Variants in CDKAL1 observed in about 807,000 individuals in gnomAD.
CDKAL1 encodes the protein CDKAL1 threonylcarbamoyladenosine tRNA methylthiotransferase.
A neutral mutation model predicts 68.2 loss-of-function variants in CDKAL1; 32 were observed. The observed-to-expected ratio is 0.47, with a 90% CI of 0.35 to 0.63. The LOEUF (loss-of-function observed/expected upper bound fraction) is 0.63, where lower values mean the gene tolerates loss of function less well. Ranked by LOEUF, CDKAL1 falls within the 30% of genes least tolerant of loss-of-function variation. CDKAL1 has a pLI of 0.00. For missense variants in CDKAL1, 606 were observed against 696.7 expected, an observed-to-expected ratio of 0.87 and a Z score of 1.47; for synonymous variants, 234 against 244.3, an observed-to-expected ratio of 0.96 and a Z score of 0.39.
chr6:20,867,802 C>T (rs1382415472), intron 9 of CDKAL1, among the ~76,000 whole-genome samples: 1 of 152,170 alleles, frequency 6.6e-6, no homozygotes, highest in African/African-American at 2.4e-5. Context: ...ATAATTTCCC[C>T]TATCCCTAAC....
At chr6:21,025,320 C>A (rs1189855717) in intron 11 of CDKAL1, among the ~76,000 whole-genome samples, 1 of 152,090 alleles carries the variant, frequency 6.6e-6, no homozygotes, top group Non-Finnish European at 1.5e-5. Context: ...ATTAAACATA[C>A]CCCTCTCTAT....
chr6:20,712,959 T>C (rs1771918822), intron 5 of CDKAL1, among the ~76,000 whole-genome samples: 1 of 149,268 alleles, frequency 6.7e-6, no homozygotes. Context: ...TTAAAAATGC[T>C]GTATATTACA....
At chr6:21,176,717 C>T (rs1173823773) in intron 13 of CDKAL1, among the ~76,000 whole-genome samples, 1 of 111,348 alleles carries the variant, frequency 9.0e-6, no homozygotes, top group Non-Finnish European at 1.7e-5. Flanking sequence ...TTTTTTGAGA[C>T]GGAGTCTGAC....
chr6:20,572,618 T>C lies in CDKAL1; in HGVS notation c.286+23913T>C, dbSNP rs552685188. Among the ~76,000 whole-genome samples the C allele has an allele frequency of 3.3e-5, 5 of 152,290 alleles. No homozygotes were observed. The South Asian group carries it at 6.2e-4, about 19-fold the overall frequency. On this transcript the variant is annotated intron_variant, in intron 4 of 15. Coordinates refer to ENST00000274695, the MANE Select transcript of CDKAL1 (RefSeq NM_017774.3). The stretch of plus-strand genomic sequence containing the variant: ...ATTTATCATATGTATTGGGTCCACA[T>C]TGCAGTACTTATAACGAGATTTATC...
At chr6:21,029,760 A>G (rs967242269) in intron 11 of CDKAL1, among the ~76,000 whole-genome samples, 1 of 152,208 alleles carries the variant, frequency 6.6e-6, no homozygotes, top group African/African-American at 2.4e-5. Flanking sequence ...GAGAAATGCA[A>G]ATCAAAACCA....
chr6:21,156,818 G>A (rs1307677002), intron 13 of CDKAL1, among the ~76,000 whole-genome samples: 1 of 152,160 alleles, frequency 6.6e-6, no homozygotes, highest in Non-Finnish European at 1.5e-5. Context: ...TGGTGTGCAT[G>A]CTGCTGTGGT....
chr6:21,132,246 C>A (rs1239956460), intron 13 of CDKAL1, among the ~76,000 whole-genome samples: 1 of 152,082 alleles, frequency 6.6e-6, no homozygotes, highest in Admixed American at 6.5e-5. Flanking sequence ...GAATATCCAT[C>A]ATTAAGGAAA....
intron 13 of CDKAL1, among the ~76,000 whole-genome samples, chr6:21,146,118 T>C (rs974786006): frequency 6.6e-6 from 1 of 152,228 alleles, no homozygotes; most frequent in African/African-American, 2.4e-5. Context: ...TTAATGGGTC[T>C]GGACTGCATG....
rs188555344 is a variant in CDKAL1 at position 20,894,168 on chromosome 6, A to G, written c.742+47990A>G. Among the ~76,000 whole-genome samples the G allele has an allele frequency of 3.1e-3, 470 of 151,934 alleles. 2 individuals carry two copies. Among genetic ancestry groups the G allele is most frequent in the African/African-American group, 8.7e-3 (359 of 41,492 alleles). On this transcript the variant is annotated intron_variant, in intron 9 of 15. Transcript: ENST00000274695. ...TGTTATTTTGGTGACAGCCTGATGC[A>G]TTAATTTCTAGGTCAGCATATTATT...
chr6:20,897,529 T>C (rs1436156107), intron 9 of CDKAL1, among the ~76,000 whole-genome samples: 15 of 152,078 alleles, frequency 9.9e-5, no homozygotes, highest in Admixed American at 6.6e-5. Context: ...ATCTGTAATA[T>C]AGAAAAAACA....
intron 8 of CDKAL1, among the ~76,000 whole-genome samples, chr6:20,837,101 A>G (rs1300993685): frequency 1.3e-5 from 2 of 152,214 alleles, no homozygotes; most frequent in African/African-American, 4.8e-5. Flanking sequence ...TGTTGAAGTT[A>G]AAATGGTGGG....
intron 15 of CDKAL1, among the ~76,000 whole-genome samples, chr6:21,207,078 A>G (rs1778970089): frequency 2.0e-5 from 3 of 152,044 alleles, no homozygotes; most frequent in Admixed American, 1.3e-4. Flanking sequence ...ACACCCAGCT[A>G]ATTTTTGTAT....
rs181334761 is a variant in CDKAL1 at position 20,649,595 on chromosome 6, A to G, written c.371+218A>G. On this transcript the variant is annotated intron_variant, in intron 5 of 15. Coordinates refer to ENST00000274695, the MANE Select transcript of CDKAL1 (RefSeq NM_017774.3). ...AAATTTACTTTAAGTTCTGGGGTACATGTACAGGATGTGCAAGTTTGTTAC... is the reference window on the plus strand; with the variant it reads ...AAATTTACTTTAAGTTCTGGGGTACGTGTACAGGATGTGCAAGTTTGTTAC... Among the ~76,000 whole-genome samples the G allele has an allele frequency of 1.3e-5, 2 of 152,220 alleles. 1 individual carries two copies. Among genetic ancestry groups the G allele is most frequent in the East Asian group, 3.9e-4 (2 of 5,190 alleles).
chr6:21,229,523 A>G (rs751294045), intron 15 of CDKAL1, among the ~76,000 whole-genome samples: 1 of 152,150 alleles, frequency 6.6e-6, no homozygotes, highest in Non-Finnish European at 1.5e-5. Context: ...CCCAAACAGA[A>G]GCCAAAGAGG....
chr6:20,838,974 CAAAA>C (rs773185500), intron 8 of CDKAL1, among the ~76,000 whole-genome samples: 2 of 99,514 alleles, frequency 2.0e-5, no homozygotes, highest in Non-Finnish European at 4.2e-5. Flanking sequence ...GACTCCATCT[CAAAA>C]AAAAAAAAAA....
intron 13 of CDKAL1, among the ~76,000 whole-genome samples, chr6:21,134,785 T>G (rs931586258): frequency 8.5e-5 from 13 of 152,130 alleles, no homozygotes; most frequent in Non-Finnish European, 1.9e-4. Context: ...CAAACTGACA[T>G]CTTAAGAGTT....
chr6:20,629,770 G>C (rs1242158325), intron 4 of CDKAL1, among the ~76,000 whole-genome samples: 9 of 151,770 alleles, frequency 5.9e-5, no homozygotes, highest in African/African-American at 2.2e-4. Context: ...GTTGCCCCCT[G>C]TAGAGATGCC....
chr6:20,660,503 T>A (rs1191547633), intron 5 of CDKAL1, among the ~76,000 whole-genome samples: 1 of 152,218 alleles, frequency 6.6e-6, no homozygotes, highest in Non-Finnish European at 1.5e-5. Flanking sequence ...TAACTTCTAA[T>A]ATTGTATTCC....
At chr6:20,574,331 A>G (rs780817206) in intron 4 of CDKAL1, among the ~76,000 whole-genome samples, 3 of 152,126 alleles carry the variant, frequency 2.0e-5, no homozygotes, top group East Asian at 1.9e-4. Flanking sequence ...TCAGAAAGTA[A>G]AAGGATGTAA....
Sources: allele counts gnomAD v4.1 joint callset (sites outside exome capture counted in the v4.1 genomes callset), GRCh38; gene constraint gnomAD v4.1.1; transcripts MANE v1.5; gene names NCBI Gene and HGNC (gene_info 2026-07-23, HGNC 2026-07-21).